CAMK4: variants seen among roughly 807,000 people sequenced by gnomAD.
CAMK4 encodes the protein calcium/calmodulin-dependent protein kinase type IV.
Under a neutral mutation model 44.9 loss-of-function variants are expected in CAMK4, and 22 were observed. The observed-to-expected ratio is 0.49, with a 90% CI of 0.35 to 0.70. The LOEUF (loss-of-function observed/expected upper bound fraction) is 0.70, where lower values mean the gene tolerates loss of function less well. Among genes scored for constraint, CAMK4 ranks in the 30% least tolerant of loss-of-function variants. The probability of loss-of-function intolerance (pLI) is 0.01; values close to 1 mark genes in which losing one functional copy is unlikely to be tolerated. For missense variants in CAMK4, 498 were observed against 586.8 expected (o/e 0.85, Z 1.56); for synonymous variants, 218 against 215.4 (o/e 1.01, Z -0.11).
intron 5 of CAMK4, among the ~76,000 whole-genome samples, chr5:111,416,995 G>A (rs1752838094): frequency 6.6e-6 from 1 of 152,124 alleles, no homozygotes; most frequent in South Asian, 2.1e-4. Context: ...GTTTTAAAGT[G>A]TGTAATTGGA....
At chr5:111,315,853 G>T (rs904989775) in intron 1 of CAMK4, among the ~76,000 whole-genome samples, 1 of 152,086 alleles carries the variant, frequency 6.6e-6, no homozygotes, top group Non-Finnish European at 1.5e-5. Flanking sequence ...GAGATATTGC[G>T]AAGGGCTGCA....
At chr5:111,381,255 G>C (rs749114576) in intron 4 of CAMK4, among the ~76,000 whole-genome samples, 1 of 152,110 alleles carries the variant, frequency 6.6e-6, no homozygotes, top group African/African-American at 2.4e-5. Flanking sequence ...ATATATGTAG[G>C]GGAGTTTATT....
At chr5:111,341,505 T>A (rs1374191841) in intron 1 of CAMK4, among the ~76,000 whole-genome samples, 2 of 151,094 alleles carry the variant, frequency 1.3e-5, no homozygotes, top group Non-Finnish European at 3.0e-5. Context: ...CAGAAAATAA[T>A]CCATCATATA....
chr5:111,407,195 T>C (rs1429032669), intron 5 of CAMK4, among the ~76,000 whole-genome samples: 1 of 151,578 alleles, frequency 6.6e-6, no homozygotes, highest in Non-Finnish European at 1.5e-5. Context: ...CTACTAAAAA[T>C]ACAAAATTAG....
chr5:111,314,081 A>G (rs1268590597), intron 1 of CAMK4, among the ~76,000 whole-genome samples: 3 of 152,234 alleles, frequency 2.0e-5, no homozygotes, highest in African/African-American at 7.2e-5. Flanking sequence ...TGTAATAGGA[A>G]GTAATGGAAA....
intron 1 of CAMK4, among the ~76,000 whole-genome samples, chr5:111,342,884 C>T (rs1749701116): frequency 1.3e-5 from 2 of 151,606 alleles, no homozygotes; most frequent in Non-Finnish European, 1.5e-5. Context: ...TTCCCAATTT[C>T]TTCCTTCCAT....
At chr5:111,356,720 AT>A (rs1186561369) in intron 2 of CAMK4, among the ~76,000 whole-genome samples, 1 of 152,152 alleles carries the variant, frequency 6.6e-6, no homozygotes, top group Admixed American at 6.6e-5. Context: ...CTTTCTACAT[AT>A]GGCTAGCCAG....
At position 111,468,106 on chromosome 5, in the gene CAMK4, G is replaced by A. The variant is rs114525630; in HGVS notation, c.626-5205G>A. On this transcript the variant is annotated intron_variant, in intron 7 of 10. Transcript: ENST00000282356. ...AAACATCATATGTTCTCCCTCATAA[G>A]TGGGAGATAAGCATTTGAATGCAAA... 3.6e-3 allele frequency among the ~76,000 whole-genome samples: 553 copies of A among 152,290 alleles called. 2 individuals are homozygous for A. Among genetic ancestry groups the A allele is most frequent in the African/African-American group, 0.013 (531 of 41,558 alleles).
In CAMK4 at chr5:111,463,840, T is replaced by C. The variant is rs190034057; in HGVS notation, c.626-9471T>C. Among the ~76,000 whole-genome samples, 9 of 152,226 alleles carry C rather than the reference T, an allele frequency of 5.9e-5. No homozygotes were observed. In the East Asian group the frequency reaches 1.7e-3, roughly 29 times the overall value. Reference sequence around the variant, plus strand: ...ATAGTGTGGGACAAAAGAATCAGAATAGCAGCCTTTTAGCCCCACATCTTC... The same window carrying C: ...ATAGTGTGGGACAAAAGAATCAGAACAGCAGCCTTTTAGCCCCACATCTTC... On this transcript the variant is annotated intron_variant, in intron 7 of 10. Transcript: ENST00000282356.
intron 5 of CAMK4, among the ~76,000 whole-genome samples, chr5:111,418,460 A>G (rs1343615973): frequency 6.6e-6 from 1 of 150,892 alleles, no homozygotes; most frequent in Non-Finnish European, 1.5e-5. Context: ...TTTTTTATAT[A>G]CTTTAAGTTT....
intron 4 of CAMK4, among the ~76,000 whole-genome samples, chr5:111,380,111 G>A (rs1227319277): frequency 1.3e-5 from 2 of 152,106 alleles, no homozygotes; most frequent in African/African-American, 4.8e-5. Context: ...AATGGACAAG[G>A]TGTGAGTTTT....
At chr5:111,386,419 T>C (rs1751605115) in intron 4 of CAMK4, among the ~76,000 whole-genome samples, 1 of 152,142 alleles carries the variant, frequency 6.6e-6, no homozygotes, top group Admixed American at 6.5e-5. Context: ...TATGCAGCCA[T>C]TTGAGAAAAA....
intron 1 of CAMK4, among the ~76,000 whole-genome samples, chr5:111,235,545 GCTCT>G (rs1359626894): frequency 6.6e-6 from 1 of 152,172 alleles, no homozygotes; most frequent in African/African-American, 2.4e-5. Context: ...AAACTCGTGA[GCTCT>G]CTGAGTGCAA....
chr5:111,309,108 A>G (rs1017427440), intron 1 of CAMK4, among the ~76,000 whole-genome samples: 1 of 152,240 alleles, frequency 6.6e-6, no homozygotes, highest in African/African-American at 2.4e-5. Flanking sequence ...CACACACAAA[A>G]GAGCAATGCA....
At chr5:111,321,913 A>G (rs931898906) in intron 1 of CAMK4, among the ~76,000 whole-genome samples, 1 of 152,108 alleles carries the variant, frequency 6.6e-6, no homozygotes, top group Non-Finnish European at 1.5e-5. Context: ...TTTACTCTTA[A>G]TAAATGCATA....
chr5:111,454,931 T>A (rs2112989452), intron 7 of CAMK4, among the ~76,000 whole-genome samples: 1 of 152,358 alleles, frequency 6.6e-6, no homozygotes, highest in East Asian at 1.9e-4. Context: ...TATTTCATAT[T>A]TGTACTTGTC....
intron 9 of CAMK4, among the ~76,000 whole-genome samples, chr5:111,480,288 A>ACACACACACACACACACACACC (rs1364533152): frequency 9.0e-5 from 13 of 145,114 alleles, no homozygotes; most frequent in African/African-American, 3.4e-4. Flanking sequence ...ACACACACAC[A>ACACACACACACACACACACACC]CCCCTGGGTA....
chr5:111,225,805 G>A (rs1436732868), intron 1 of CAMK4, among the ~76,000 whole-genome samples: 2 of 152,174 alleles, frequency 1.3e-5, no homozygotes, highest in Non-Finnish European at 2.9e-5. Context: ...TGTAAAATAG[G>A]CAAACTTCTG....
chr5:111,459,461 A>G (rs955110084), intron 7 of CAMK4, among the ~76,000 whole-genome samples: 1 of 152,170 alleles, frequency 6.6e-6, no homozygotes, highest in Non-Finnish European at 1.5e-5. Context: ...GTTAAGTTTT[A>G]TATCACCCAT....
Sources: gnomAD v4.1 joint callset for allele counts (sites outside exome capture counted in the v4.1 genomes callset) on GRCh38, gnomAD v4.1.1 for gene constraint, MANE v1.5 for transcripts, NCBI Gene and HGNC (gene_info 2026-07-23, HGNC 2026-07-21) for gene names.